TCF4: variants seen among roughly 807,000 people sequenced by gnomAD.
The protein encoded by TCF4 is SL3-3 enhancer factor 2.
TCF4 carries 3 observed loss-of-function variants against 82.1 expected under a neutral mutation model. The observed-to-expected ratio is 0.04, with a 90% confidence interval of 0.02 to 0.09. The LOEUF (loss-of-function observed/expected upper bound fraction) is 0.09. Ranked by LOEUF, TCF4 falls within the 10% of genes least tolerant of loss-of-function variation. TCF4 has a pLI of 1.00. For synonymous variants in TCF4, 276 were observed against 309.6 expected, an observed-to-expected ratio of 0.89 and a Z score of 1.14; for missense variants, 518 against 852.7, an observed-to-expected ratio of 0.61 and a Z score of 4.89.
intron 3 of TCF4, among the ~76,000 whole-genome samples, chr18:55,543,725 A>T (rs1031084747): frequency 1.3e-5 from 2 of 152,158 alleles, no homozygotes; most frequent in African/African-American, 2.4e-5. Context: ...TTTTATTCTC[A>T]TCTTGAATAG....
chr18:55,251,321 GAA>G (rs3838898), intron 15 of TCF4, among the ~76,000 whole-genome samples: 2 of 148,384 alleles, frequency 1.3e-5, no homozygotes, highest in South Asian at 2.1e-4. Context: ...ATGCCGCTGT[GAA>G]AAAAAAAAAT....
chr18:55,586,150 G>A (rs376518941), intron 2 of TCF4: 2 of 1,222,916 alleles, frequency 1.6e-6, no homozygotes, highest in South Asian at 1.4e-5. Context: ...GGAGGAGGAG[G>A]AGGAGCAGCA....
intron 6 of TCF4, among the ~76,000 whole-genome samples, chr18:55,394,066 C>T (rs1045434178): frequency 1.3e-5 from 2 of 152,136 alleles, no homozygotes; most frequent in Admixed American, 6.5e-5. Flanking sequence ...ATGGGGAGGG[C>T]ATTGTTCCAC....
chr18:55,319,252 G>A (rs542206958), intron 8 of TCF4, among the ~76,000 whole-genome samples: 2 of 152,202 alleles, frequency 1.3e-5, no homozygotes, highest in South Asian at 4.2e-4. Context: ...ATTAACGCAT[G>A]GTATATACAA....
intron 5 of TCF4, among the ~76,000 whole-genome samples, chr18:55,453,174 G>A (rs2095660087): frequency 6.6e-6 from 1 of 152,004 alleles, no homozygotes; most frequent in Non-Finnish European, 1.5e-5. Flanking sequence ...GTGGTGGGGA[G>A]ACACCACTCA....
At chr18:55,480,298 CGG>C (rs1249984705) in intron 3 of TCF4, among the ~76,000 whole-genome samples, 1 of 27,776 alleles carries the variant, frequency 3.6e-5, no homozygotes, top group African/African-American at 1.4e-4. Flanking sequence ...AAAAAAAAAG[CGG>C]GGGGGCGGGG....
intron 8 of TCF4, among the ~76,000 whole-genome samples, chr18:55,322,940 T>A (rs914127627): frequency 6.6e-6 from 1 of 152,152 alleles, no homozygotes; most frequent in Non-Finnish European, 1.5e-5. Context: ...TTAGCAAACA[T>A]CTCATGCACA....
chr18:55,526,236 T>C lies in TCF4; in HGVS notation c.145+59044A>G, dbSNP rs1382635557. Among the ~76,000 whole-genome samples the C allele has an allele frequency of 2.0e-5, 3 of 152,184 alleles. No homozygotes were observed. In the East Asian group the frequency reaches 5.8e-4, roughly 29 times the overall value. On this transcript the variant is annotated intron_variant, in intron 3 of 19. Coordinates refer to ENST00000354452, the MANE Select transcript of TCF4 (RefSeq NM_001083962.2). ...CTCTACTGCTCACATCACACTTGCC[T>C]ATCTAAAAAGGGTTTAGAACTTCAC...
chr18:55,377,122 C>T (rs576070673), intron 6 of TCF4, among the ~76,000 whole-genome samples: 1 of 152,232 alleles, frequency 6.6e-6, no homozygotes, highest in Non-Finnish European at 1.5e-5. Flanking sequence ...AACTAAGTGA[C>T]TCTCCATCAA....
chr18:55,362,434 G>GAAGGAAGGAAGGAAGGA lies in TCF4; in HGVS notation c.370-11432_370-11431insTCCTTCCTTCCTTCCTT, dbSNP rs1414185890. 1.0e-3 allele frequency among the ~76,000 whole-genome samples: 123 copies of GAAGGAAGGAAGGAAGGA among 118,096 alleles called. 5 individuals are homozygous for GAAGGAAGGAAGGAAGGA. The highest frequency in any genetic ancestry group is 4.1e-3 in the African/African-American group (118 of 29,080). The allele number at this position is 118,096 out of a possible 152,430, so 77.5% of individuals were successfully genotyped here. A position where few individuals can be genotyped will look rare whatever the true frequency, so the allele number is the denominator to read the frequency against. On this transcript the variant is annotated intron_variant, in intron 6 of 19. Transcript: ENST00000354452. ...GGAAGGAAGGAAGGAAGGAAGGAAG[G>GAAGGAAGGAAGGAAGGA]AAAAAAAAAAAGAAGAAAACATGTA...
chr18:55,392,964 T>TTA (rs2093262484), intron 6 of TCF4, among the ~76,000 whole-genome samples: 1 of 152,224 alleles, frequency 6.6e-6, no homozygotes. Context: ...TAACTTAAAA[T>TTA]AAGTTTAGGC....
chr18:55,398,683 A>C (rs1178617591), intron 6 of TCF4, among the ~76,000 whole-genome samples: 1 of 152,226 alleles, frequency 6.6e-6, no homozygotes, highest in Non-Finnish European at 1.5e-5. Context: ...TGGTTCATGT[A>C]CATTGCTATT....
Position 55,257,360 on chromosome 18 carries a change from T to C in TCF4, c.1101A>G (p.Gly367=). 6.2e-7 allele frequency: 1 copy of C among 1,613,778 alleles called. No individual in the cohort carries two copies. The highest frequency in any genetic ancestry group is 8.5e-7 in the Non-Finnish European group (1 of 1,179,738). The stretch of plus-strand genomic sequence containing the variant: ...CATAATTAGGAGACGATGAGGCCTG[T>C]CCTCCATTTCTAGACCAAACAGCTG... The part of the protein sequence containing the change: ...AGTAVWSRNG[G]QASSSPNYEG... The change falls in exon 14 of 20, where the codon GGA becomes GGG. Residue 367 remains glycine, a synonymous_variant. Coordinates refer to ENST00000354452, the MANE Select transcript of TCF4 (RefSeq NM_001083962.2).
chr18:55,302,643 G>A (rs939677170), intron 8 of TCF4: 18 of 1,490,264 alleles, frequency 1.2e-5, no homozygotes, highest in Admixed American at 8.1e-5. Flanking sequence ...GCAGATGTCC[G>A]CTGTGAGGCC....
intron 8 of TCF4, among the ~76,000 whole-genome samples, chr18:55,331,783 G>A (rs1475721810): frequency 2.0e-5 from 3 of 152,150 alleles, no homozygotes; most frequent in Non-Finnish European, 4.4e-5. Flanking sequence ...TCATGAACCT[G>A]GTCTGTCCTT....
chr18:55,390,468 G>A (rs1388451077), intron 6 of TCF4, among the ~76,000 whole-genome samples: 1 of 151,698 alleles, frequency 6.6e-6, no homozygotes, highest in East Asian at 1.9e-4. Context: ...GAGTTTGGTA[G>A]AATGTATTAT....
chr18:55,466,489 CCT>C (rs1253589439), intron 3 of TCF4, among the ~76,000 whole-genome samples: 2 of 151,932 alleles, frequency 1.3e-5, no homozygotes. Context: ...TGAGTGAGAC[CCT>C]GTCCCTAAAA....
At chr18:55,589,098 GA>G (rs144917649), upstream of TCF4, among the ~76,000 whole-genome samples, 93 of 145,110 alleles carry the variant, frequency 6.4e-4, no homozygotes, top group Non-Finnish European at 8.9e-4. Context: ...ACGTGTGTTT[GA>G]AAAAAAAAAC....
rs1222025321 is a variant in TCF4 at position 55,544,282 on chromosome 18, T to A, written c.145+40998A>T. Among the ~76,000 whole-genome samples the A allele has an allele frequency of 3.3e-5, 5 of 152,230 alleles. No homozygotes were observed. In the East Asian group the frequency reaches 7.7e-4, roughly 23 times the overall value. ...GATAATATTTGTTATGCACTTCCTG[T>A]GTGCAAGAGCTGTTTTAAGTACTCC... On this transcript the variant is annotated intron_variant, in intron 3 of 19. Transcript: ENST00000354452.
Sources: gnomAD v4.1 joint callset for allele counts (sites outside exome capture counted in the v4.1 genomes callset) on GRCh38, gnomAD v4.1.1 for gene constraint, MANE v1.5 for transcripts, NCBI Gene and HGNC (gene_info 2026-07-23, HGNC 2026-07-21) for gene names.